The following CHLSN variants were observed in gnomAD, a reference collection of about 807,000 sequenced individuals.
The protein encoded by CHLSN is protein cholesin.
the CHLSN span, among the ~76,000 whole-genome samples, chr7:1,063,566 G>C: frequency 1.3e-5 from 2 of 152,236 alleles, no homozygotes; most frequent in Non-Finnish European, 2.9e-5. Context: ...GTGTCTCCCA[G>C]CGCCCACCAT....
chr7:988,336 C>T, the CHLSN span: 4 of 1,612,526 alleles, frequency 2.5e-6, no homozygotes, highest in South Asian at 2.2e-5. Context: ...AGTGGCAGAC[C>T]CCAGGCCAGT....
chr7:1,074,685 C>T, the CHLSN span: 2 of 152,332 alleles, frequency 1.3e-5, no homozygotes, highest in African/African-American at 4.8e-5. Flanking sequence ...TGTCCGATGG[C>T]CCCGGCCCCA....
chr7:1,058,578 G>A, the CHLSN span: 9 of 695,168 alleles, frequency 1.3e-5, no homozygotes, highest in Non-Finnish European at 2.1e-5. Flanking sequence ...AGTTACCCTG[G>A]ACGCTCCCCA....
At chr7:988,318 T>C in the CHLSN span, 1 of 1,610,540 alleles carries the variant, frequency 6.2e-7, no homozygotes. Context: ...TGCTCCTGGA[T>C]GAGACACAGT....
the CHLSN span, chr7:1,092,388 G>A: frequency 8.8e-6 from 14 of 1,594,232 alleles, no homozygotes; most frequent in East Asian, 2.3e-5. Context: ...TCGAGGTCAC[G>A]CTGGGCTTCA....
At chr7:1,081,746 TGCCC>T in the CHLSN span, among the ~76,000 whole-genome samples, 3 of 98,138 alleles carry the variant, frequency 3.1e-5, no homozygotes, top group African/African-American at 1.7e-4. Context: ...GGCTTTCTTC[TGCCC>T]ACTGCAGCCT....
chr7:1,100,602 GC>G, the CHLSN span, among the ~76,000 whole-genome samples: 2 of 152,166 alleles, frequency 1.3e-5, no homozygotes, highest in African/African-American at 4.8e-5. Context: ...GACATGACCA[GC>G]CCCTGCCTTC....
the CHLSN span, chr7:1,093,730 A>G: frequency 2.2e-6 from 1 of 460,464 alleles, no homozygotes; most frequent in South Asian, 1.6e-5. Flanking sequence ...GTGATGATGT[A>G]AAAACCTTCC....
the CHLSN span, chr7:1,021,410 G>C: frequency 1.0e-6 from 1 of 985,492 alleles, no homozygotes; most frequent in Non-Finnish European, 1.2e-6. Flanking sequence ...AGAGTCGGAA[G>C]CTGAAGGGCT....
At chr7:1,082,654 C>A in the CHLSN span, among the ~76,000 whole-genome samples, 1 of 152,190 alleles carries the variant, frequency 6.6e-6, no homozygotes, top group Non-Finnish European at 1.5e-5. Flanking sequence ...GGGTGGGCAT[C>A]CCAAAGCATA....
chr7:1,006,463 A>G, the CHLSN span, among the ~76,000 whole-genome samples: 1 of 149,342 alleles, frequency 6.7e-6, no homozygotes, highest in Non-Finnish European at 1.5e-5. Context: ...CGACGGCCAC[A>G]GCGCAGGGAA....
chr7:1,080,038 G>C, the CHLSN span, among the ~76,000 whole-genome samples: 1 of 152,162 alleles, frequency 6.6e-6, no homozygotes, highest in Non-Finnish European at 1.5e-5. Context: ...AGACTGTGAA[G>C]GGCCAACCCC....
the CHLSN span, among the ~76,000 whole-genome samples, chr7:1,079,766 C>T: frequency 2.6e-5 from 4 of 152,242 alleles, no homozygotes; most frequent in African/African-American, 9.6e-5. Context: ...GCAGGAGCCA[C>T]CAGCCCTCAC....
chr7:1,085,660 T>C, the CHLSN span, among the ~76,000 whole-genome samples: 20 of 150,132 alleles, frequency 1.3e-4, no homozygotes, highest in South Asian at 3.2e-3. Context: ...CAGTGAGACC[T>C]TATCTCTACA....
the CHLSN span, chr7:989,760 A>G: frequency 5.2e-6 from 1 of 190,668 alleles, no homozygotes; most frequent in Non-Finnish European, 1.1e-5. Context: ...AGCCTGGGTG[A>G]CAGAGCGAGA....
the CHLSN span, chr7:1,087,053 G>A: frequency 1.3e-5 from 2 of 152,402 alleles, no homozygotes; most frequent in Non-Finnish European, 1.5e-5. Flanking sequence ...GGTTCCCGAA[G>A]CGGCGAGTGA....
At chr7:1,035,259 T>A in the CHLSN span, among the ~76,000 whole-genome samples, 2 of 152,196 alleles carry the variant, frequency 1.3e-5, no homozygotes, top group African/African-American at 4.8e-5. Context: ...GTCATGTCTT[T>A]GCTATTGTGA....
At chr7:1,024,102 T>C in the CHLSN span, among the ~76,000 whole-genome samples, 2 of 152,202 alleles carry the variant, frequency 1.3e-5, no homozygotes, top group African/African-American at 2.4e-5. Context: ...GCTGGGATTA[T>C]AGGCATGAGT....
chr7:1,132,000 C>T, the CHLSN span, among the ~76,000 whole-genome samples: 12 of 152,078 alleles, frequency 7.9e-5, no homozygotes, highest in African/African-American at 2.7e-4. Flanking sequence ...AACTGGCTAC[C>T]AACATATAAA....
Sources: allele counts gnomAD v4.1 joint callset (sites outside exome capture counted in the v4.1 genomes callset), GRCh38; gene constraint gnomAD v4.1.1; transcripts MANE v1.5; gene names NCBI Gene and HGNC (gene_info 2026-07-23, HGNC 2026-07-21).